The following ZNF462 variants were observed in gnomAD, a reference collection of about 807,000 sequenced individuals.
The protein encoded by ZNF462 is zinc finger PBX1-interacting protein.
In ZNF462, 10 loss-of-function variants were observed where a neutral mutation model predicts 201.9. The observed-to-expected ratio is 0.05, with a 90% CI of 0.03 to 0.08. The LOEUF is 0.08. ZNF462 is among the 10% of genes least tolerant of loss of function. ZNF462 has a pLI of 1.00. For synonymous variants in ZNF462, 1,227 were observed against 1,193.3 expected, an observed-to-expected ratio of 1.03 and a Z score of -0.58; for missense variants, 2,523 against 3,168.3, an observed-to-expected ratio of 0.80 and a Z score of 4.89.
In ZNF462 at chr9:106,932,290, T is replaced by G; in HGVS notation, c.6013-156T>G. The G allele has an allele frequency of 6.4e-7, 1 of 1,551,880 alleles. No homozygotes were observed. The highest frequency in any genetic ancestry group is 1.4e-5 in the African/African-American group (1 of 73,196). The stretch of plus-strand genomic sequence containing the variant: ...GGAGGCGGATGACCCTGCCCACTTG[T>G]TCCTGGATGGATTGGAAGCAGCCAA... On this transcript the variant is annotated intron_variant, in intron 4 of 12. Coordinates refer to ENST00000277225, the MANE Select transcript of ZNF462 (RefSeq NM_021224.6). This position sits in a 1 kb window ranked among gnomAD's most constrained non-coding sequence, Gnocchi z 6.8.
rs1827836740 is a variant in ZNF462, at chr9:106,876,515, C to T, written c.-31+13160C>T. On this transcript the variant is annotated intron_variant, in intron 1 of 12. Coordinates refer to ENST00000277225, the MANE Select transcript of ZNF462 (RefSeq NM_021224.6). This position sits in a 1 kb window ranked among gnomAD's most constrained non-coding sequence, Gnocchi z 4.9. Reference sequence around the variant, plus strand: ...AGTCTTTGCTGCAGTTGTCCATTCCCAGCTAGACTTTATTACATCTTCAAC... The same window carrying T: ...AGTCTTTGCTGCAGTTGTCCATTCCTAGCTAGACTTTATTACATCTTCAAC... Among the ~76,000 whole-genome samples, 1 of 152,198 alleles carries T rather than the reference C, an allele frequency of 6.6e-6. No homozygotes were observed.
chr9:106,985,110 A>G (rs1377918502), intron 10 of ZNF462, among the ~76,000 whole-genome samples: 1 of 152,204 alleles, frequency 6.6e-6, no homozygotes, highest in Non-Finnish European at 1.5e-5. Context: ...GAAAGAAAGC[A>G]GCCATAGACA....
chr9:106,993,867 C>T lies in ZNF462; in HGVS notation c.7057-9427C>T, dbSNP rs1227424258. Among the ~76,000 whole-genome samples, 1 of 152,128 alleles carries T rather than the reference C, an allele frequency of 6.6e-6. No individual in the cohort carries two copies. The highest frequency in any genetic ancestry group is 1.5e-5 in the Non-Finnish European group (1 of 68,020). On this transcript the variant is annotated intron_variant, in intron 10 of 12. Transcript: ENST00000277225. This position sits in a 1 kb window ranked among gnomAD's most constrained non-coding sequence, Gnocchi z 4.0. ...TCAAGCAATCCTCCCACCTTGGCTT[C>T]CCAAAGTACAGGAATTGCAGGTGTG... is the stretch of plus-strand genomic sequence containing the variant.
chr9:106,964,008 CGTGTGTGTGTGTGTGTGT>C (rs111450825), intron 7 of ZNF462, among the ~76,000 whole-genome samples: 1 of 146,648 alleles, frequency 6.8e-6, no homozygotes. Context: ...AAATAATATT[CGTGTGTGTGTGTGTGTGT>C]GTGTGTGTGT....
chr9:106,971,126 G>C (rs1209366658), intron 7 of ZNF462, among the ~76,000 whole-genome samples: 1 of 151,994 alleles, frequency 6.6e-6, no homozygotes, highest in Non-Finnish European at 1.5e-5. Context: ...AATCACTTGA[G>C]TGTGAAGGCA....
rs377583921 is a variant in ZNF462 at position 106,993,527 on chromosome 9, T to C, written c.7056+9118T>C. 2.2e-4 allele frequency among the ~76,000 whole-genome samples: 34 copies of C among 152,008 alleles called. No individual in the cohort carries two copies. The highest frequency in any genetic ancestry group is 8.0e-4 in the African/African-American group (33 of 41,410). On this transcript the variant is annotated intron_variant, in intron 10 of 12. Coordinates refer to ENST00000277225, the MANE Select transcript of ZNF462 (RefSeq NM_021224.6). This position sits in a 1 kb window ranked among gnomAD's most constrained non-coding sequence, Gnocchi z 4.0. ...ACAGTGCAGGTTATTTGAAATTTTA[T>C]TTTTTTATCCTGTGACTCCCTGTCT... is the stretch of plus-strand genomic sequence containing the variant.
intron 7 of ZNF462, among the ~76,000 whole-genome samples, chr9:106,965,410 A>G (rs1290096329): frequency 6.6e-6 from 1 of 152,036 alleles, no homozygotes; most frequent in Non-Finnish European, 1.5e-5. Flanking sequence ...AAGAAACACC[A>G]GGTAGGAGAC....
rs190756808 is a variant in ZNF462, at chr9:106,870,816, G to A, written c.-31+7461G>A. ...GTGGAGAGAGCTTAGCCGCCACAGA[G>A]CCCAGCTGGGGAAGGCCAAACTCAC... is the stretch of plus-strand genomic sequence containing the variant. On this transcript the variant is annotated intron_variant, in intron 1 of 12. Transcript: ENST00000277225. The surrounding 1 kb of genome is among the most constrained non-coding windows in gnomAD (Gnocchi z 4.3). 3.3e-5 allele frequency among the ~76,000 whole-genome samples: 5 copies of A among 152,304 alleles called. No homozygotes were observed. The East Asian group carries it at 7.7e-4, about 24-fold the overall frequency.
At position 106,993,804 on chromosome 9, in the gene ZNF462, G is replaced by T. The variant is rs984792901; in HGVS notation, c.7056+9395G>T. On this transcript the variant is annotated intron_variant, in intron 10 of 12. Transcript: ENST00000277225. The surrounding 1 kb of genome is among the most constrained non-coding windows in gnomAD (Gnocchi z 4.0). ...CTGTTGCCCAGGCTGAGGTGCAATG[G>T]CGCAATCATAGCTCACTGCATCTTC... Among the ~76,000 whole-genome samples, 1 of 151,958 alleles carries T rather than the reference G, an allele frequency of 6.6e-6. No individual in the cohort carries two copies.
chr9:106,925,347 T>G lies in ZNF462; in HGVS notation c.1435T>G (p.Cys479Gly). Residue 479 changes from cysteine (C) to glycine (G), a missense_variant, in exon 3 of 13, where the codon TGC becomes GGC. Physicochemically the swap from Cys to Gly is radical, Grantham distance 159. Transcript: ENST00000277225. This position sits in a 1 kb window ranked among gnomAD's most constrained non-coding sequence, Gnocchi z 7.9. ...CAAATGTGACGAATGTCCGTTTACT[T>G]GCAAGAGCTCGTTGAAACTTGGGGC... ...VYKCDECPFT[C>G]KSSLKLGAHK... 6.2e-7 allele frequency: 1 copy of G among 1,614,230 alleles called. No individual in the cohort carries two copies. The highest frequency in any genetic ancestry group is 8.5e-7 in the Non-Finnish European group (1 of 1,180,034).
At chr9:106,912,823 A>G (rs993029948) in intron 1 of ZNF462, among the ~76,000 whole-genome samples, 1 of 152,224 alleles carries the variant, frequency 6.6e-6, no homozygotes, top group Non-Finnish European at 1.5e-5. Context: ...TAAGGAAGGC[A>G]CAAATAATAT....
Position 106,929,605 on chromosome 9 carries a change from A to T in ZNF462, c.5693A>T (p.Asp1898Val). 6.2e-7 allele frequency: 1 copy of T among 1,614,232 alleles called. No individual in the cohort carries two copies. Among genetic ancestry groups the T allele is most frequent in the Non-Finnish European group, 8.5e-7 (1 of 1,180,048 alleles). Residue 1898 changes from aspartate (D) to valine (V), a missense_variant, in exon 3 of 13, where the codon GAT (aspartate) becomes GTT (valine). Around this residue, in one of 15 missense-constraint regions of ZNF462, gnomAD observed 207 missense variants for 231.6 expected, o/e 0.89. Transcript: ENST00000277225. The surrounding 1 kb of genome is among the most constrained non-coding windows in gnomAD (Gnocchi z 8.7). The stretch of plus-strand genomic sequence containing the variant: ...TCCACCTACCAGTGTAAGCACTGTG[A>T]TAGCAAACTGCAAAGCACAGCCGAG... ...QNSTYQCKHC[D>V]SKLQSTAELT... is the part of the protein sequence containing the mutation.
chr9:106,925,840 A>G lies in ZNF462; in HGVS notation c.1928A>G (p.Asn643Ser). ...CAGCCCTCAAGCCTACCATTGGAAA[A>G]TGAGACAGACAGCCACCCCTCTTCC... ...EGQPSSLPLE[N>S]ETDSHPSSSN... The change falls in exon 3 of 13, where the codon AAT becomes AGT. Residue 643 changes from asparagine (N) to serine (S), a missense_variant. Coordinates refer to ENST00000277225, the MANE Select transcript of ZNF462 (RefSeq NM_021224.6). This position sits in a 1 kb window ranked among gnomAD's most constrained non-coding sequence, Gnocchi z 7.9. 1 of 1,614,204 alleles carries G rather than the reference A, an allele frequency of 6.2e-7. No homozygotes were observed. Among genetic ancestry groups the G allele is most frequent in the Non-Finnish European group, 8.5e-7 (1 of 1,180,044 alleles).
chr9:106,884,560 C>T (rs1828238047), intron 1 of ZNF462, among the ~76,000 whole-genome samples: 1 of 152,124 alleles, frequency 6.6e-6, no homozygotes, highest in Admixed American at 6.5e-5. Context: ...GCCCTGTCCC[C>T]TTCCTCCCAC....
chr9:106,939,615 C>T (rs1289413162), intron 7 of ZNF462, among the ~76,000 whole-genome samples: 1 of 152,114 alleles, frequency 6.6e-6, no homozygotes, highest in South Asian at 2.1e-4. Context: ...GGATTTCTTA[C>T]AGCTAAAGGA....
chr9:106,909,087 C>T lies in ZNF462; in HGVS notation c.-30-14267C>T, dbSNP rs181621524. ...AAGCAATTCTCCTGTCTCAGCCTCCCGAGCAGCTGGGATTATAGGCACATG... is the reference window on the plus strand; with the variant it reads ...AAGCAATTCTCCTGTCTCAGCCTCCTGAGCAGCTGGGATTATAGGCACATG... On this transcript the variant is annotated intron_variant, in intron 1 of 12. Transcript: ENST00000277225. 4.2e-4 allele frequency among the ~76,000 whole-genome samples: 62 copies of T among 148,928 alleles called. 1 individual carries two copies. Among genetic ancestry groups the T allele is most frequent in the South Asian group, 3.8e-3 (18 of 4,696 alleles).
intron 1 of ZNF462, among the ~76,000 whole-genome samples, chr9:106,882,374 A>G (rs1031860906): frequency 5.3e-5 from 8 of 152,234 alleles, no homozygotes; most frequent in African/African-American, 1.9e-4. Flanking sequence ...AAGTGCCTAC[A>G]TATCTGAAAC....
In ZNF462 at chr9:107,009,882, C is replaced by A. The variant is rs1034800411; in HGVS notation, c.7313+214C>A. Among the ~76,000 whole-genome samples, 1 of 152,086 alleles carries A rather than the reference C, an allele frequency of 6.6e-6. No individual in the cohort carries two copies. Among genetic ancestry groups the A allele is most frequent in the Non-Finnish European group, 1.5e-5 (1 of 68,018 alleles). ...CCGCAAGTCAAATAGGGAAAAAAAT[C>A]GTCTTTATGAATGATCAGTCCTGCT... On this transcript the variant is annotated intron_variant, in intron 12 of 12. Coordinates refer to ENST00000277225, the MANE Select transcript of ZNF462 (RefSeq NM_021224.6). This position sits in a 1 kb window ranked among gnomAD's most constrained non-coding sequence, Gnocchi z 6.1.
intron 1 of ZNF462, among the ~76,000 whole-genome samples, chr9:106,904,481 A>T (rs1370472825): frequency 1.3e-5 from 2 of 152,122 alleles, no homozygotes; most frequent in Admixed American, 6.5e-5. Context: ...TAGGTCTCTC[A>T]CAAGGCTGGG....
Sources: gnomAD v4.1 joint callset for allele counts (sites outside exome capture counted in the v4.1 genomes callset) on GRCh38, gnomAD v4.1.1 for gene constraint, gnomAD v4.1.1 regional missense constraint, Gnocchi (gnomAD v3.1) non-coding constraint, MANE v1.5 for transcripts, NCBI Gene and HGNC (gene_info 2026-07-23, HGNC 2026-07-21) for gene names.